LRRC4C: variants seen among roughly 807,000 people sequenced by gnomAD.
The protein encoded by LRRC4C is leucine rich repeat containing 4C.
In LRRC4C, 5 loss-of-function variants were observed where a neutral mutation model predicts 33.6. The observed-to-expected ratio is 0.15, with a 90% CI of 0.08 to 0.31. The LOEUF (loss-of-function observed/expected upper bound fraction) is 0.31. Among genes scored for constraint, LRRC4C ranks in the 10% least tolerant of loss-of-function variants. The pLI is 1.00. For synonymous variants in LRRC4C, 329 were observed against 302.0 expected (o/e 1.09, Z -0.93); for missense variants, 560 against 796.7 (o/e 0.70, Z 3.58).
At chr11:41,444,234 G>A (rs540249971) in intron 1 of LRRC4C, among the ~76,000 whole-genome samples, 12 of 152,208 alleles carry the variant, frequency 7.9e-5, no homozygotes, top group African/African-American at 2.9e-4. Flanking sequence ...AACCACAGAT[G>A]GAAAATATTT....
chr11:40,293,197 G>C (rs1169982429), intron 4 of LRRC4C: 2 of 152,502 alleles, frequency 1.3e-5, no homozygotes, highest in Admixed American at 6.6e-5. Context: ...AATGGAGTGC[G>C]GGGGGCGGGG....
chr11:40,475,284 A>G (rs2138338393), intron 3 of LRRC4C, among the ~76,000 whole-genome samples: 1 of 152,248 alleles, frequency 6.6e-6, no homozygotes, highest in African/African-American at 2.4e-5. Flanking sequence ...AAAAAGGAAA[A>G]GTTCATGTTT....
rs148170028 is a variant in LRRC4C, at chr11:41,208,658, C to G, written c.-496+250773G>C. ...TCAGAGATCCTACAGGATGGGACAA[C>G]AGGGCTACCTGATTGGGAACATGTG... On this transcript the variant is annotated intron_variant, in intron 1 of 6. Transcript: ENST00000528697. 7.2e-5 allele frequency among the ~76,000 whole-genome samples: 11 copies of G among 152,324 alleles called. No individual in the cohort carries two copies. In the East Asian group the frequency reaches 2.1e-3, roughly 29 times the overall value.
intron 1 of LRRC4C, among the ~76,000 whole-genome samples, chr11:41,050,560 G>C (rs543928862): frequency 6.6e-6 from 1 of 152,048 alleles, no homozygotes; most frequent in Non-Finnish European, 1.5e-5. Flanking sequence ...TTCTGTTCCT[G>C]TGTTAGTTTG....
intron 1 of LRRC4C, among the ~76,000 whole-genome samples, chr11:41,128,048 T>C (rs1942831994): frequency 6.6e-6 from 1 of 152,084 alleles, no homozygotes; most frequent in Non-Finnish European, 1.5e-5. Flanking sequence ...GTAGGTCCTC[T>C]AATTGGTAGA....
chr11:40,288,816 A>G (rs1944011524), intron 4 of LRRC4C, among the ~76,000 whole-genome samples: 1 of 152,220 alleles, frequency 6.6e-6, no homozygotes, highest in Non-Finnish European at 1.5e-5. Flanking sequence ...TTTATACCAT[A>G]TAATTTAAAT....
At chr11:40,538,210 C>T (rs1261197378) in intron 3 of LRRC4C, among the ~76,000 whole-genome samples, 3 of 152,132 alleles carry the variant, frequency 2.0e-5, no homozygotes, top group Admixed American at 6.6e-5. Context: ...AGAACTGCCG[C>T]TCTCATCACT....
intron 3 of LRRC4C, among the ~76,000 whole-genome samples, chr11:40,561,663 C>T (rs1375949321): frequency 1.3e-5 from 2 of 152,096 alleles, no homozygotes; most frequent in East Asian, 1.9e-4. Context: ...CCGCCTGCCT[C>T]AGCATCCCAA....
intron 1 of LRRC4C, among the ~76,000 whole-genome samples, chr11:41,141,918 T>C (rs1943523822): frequency 6.6e-6 from 1 of 152,100 alleles, no homozygotes; most frequent in South Asian, 2.1e-4. Context: ...TAAATGCTGG[T>C]TATAAAAAAT....
intron 3 of LRRC4C, among the ~76,000 whole-genome samples, chr11:40,517,440 G>T (rs765813130): frequency 1.3e-5 from 2 of 152,068 alleles, no homozygotes; most frequent in African/African-American, 4.8e-5. Flanking sequence ...AGAGGACAGC[G>T]GAAATTTCAC....
At chr11:40,613,846 C>T (rs370163528) in intron 3 of LRRC4C, among the ~76,000 whole-genome samples, 18 of 151,840 alleles carry the variant, frequency 1.2e-4, no homozygotes, top group Admixed American at 3.3e-4. Flanking sequence ...TCTTAGGTGA[C>T]GAGGTGCATT....
intron 4 of LRRC4C, among the ~76,000 whole-genome samples, chr11:40,314,552 T>C (rs931936670): frequency 6.6e-6 from 1 of 152,130 alleles, no homozygotes; most frequent in African/African-American, 2.4e-5. Flanking sequence ...ACTGGGCATT[T>C]ATCCAAAGGA....
chr11:40,767,394 C>G (rs1413047747), intron 2 of LRRC4C, among the ~76,000 whole-genome samples: 3 of 152,072 alleles, frequency 2.0e-5, no homozygotes, highest in Non-Finnish European at 4.4e-5. Context: ...TGACACCCCC[C>G]TTTCAGCATT....
chr11:40,496,897 A>G (rs1954490282), intron 3 of LRRC4C, among the ~76,000 whole-genome samples: 1 of 152,158 alleles, frequency 6.6e-6, no homozygotes, highest in Admixed American at 6.5e-5. Flanking sequence ...TTTCAGGATA[A>G]TTTATATGAA....
intron 2 of LRRC4C, among the ~76,000 whole-genome samples, chr11:40,884,357 A>G (rs1040221491): frequency 2.0e-5 from 3 of 152,164 alleles, no homozygotes; most frequent in Non-Finnish European, 2.9e-5. Flanking sequence ...TATTGTAAAT[A>G]GTGCTGCAAT....
At chr11:41,302,557 G>A (rs534895351) in intron 1 of LRRC4C, among the ~76,000 whole-genome samples, 34 of 151,842 alleles carry the variant, frequency 2.2e-4, no homozygotes, top group Admixed American at 1.1e-3. Context: ...GGCACAAATC[G>A]GTAACATTTT....
At chr11:40,677,126 C>T (rs1249193133) in intron 2 of LRRC4C, among the ~76,000 whole-genome samples, 1 of 152,216 alleles carries the variant, frequency 6.6e-6, no homozygotes, top group African/African-American at 2.4e-5. Flanking sequence ...TGGCTCATGC[C>T]TGTAATCATA....
intron 3 of LRRC4C, among the ~76,000 whole-genome samples, chr11:40,380,646 G>C (rs1274640689): frequency 6.6e-6 from 1 of 152,156 alleles, no homozygotes; most frequent in Non-Finnish European, 1.5e-5. Flanking sequence ...GATAATACGT[G>C]TAAAGTATCC....
rs576397251 is a variant in LRRC4C, at chr11:41,434,121, T to C, written c.-496+25310A>G. 2.0e-5 allele frequency among the ~76,000 whole-genome samples: 3 copies of C among 152,246 alleles called. No homozygotes were observed. In the South Asian group the frequency reaches 6.2e-4, roughly 32 times the overall value. On this transcript the variant is annotated intron_variant, in intron 1 of 6. Coordinates refer to ENST00000528697, the MANE Select transcript of LRRC4C (RefSeq NM_001258419.2). ...GTCATGGTCCATAGATATTCAGCAG[T>C]GGCAACCATCACCTGAGATCTTCCT...
Sources: allele counts gnomAD v4.1 joint callset (sites outside exome capture counted in the v4.1 genomes callset), GRCh38; gene constraint gnomAD v4.1.1; transcripts MANE v1.5; gene names NCBI Gene and HGNC (gene_info 2026-07-23, HGNC 2026-07-21).